Variants in TPSG1 observed in about 807,000 individuals in gnomAD.
TPSG1 encodes tryptase gamma.
TPSG1 carries 43 observed loss-of-function variants against 23.8 expected under a neutral mutation model. That is an observed-to-expected ratio of 1.81 (90% CI 1.42 to 2.33). TPSG1 has a LOEUF of 2.33. Ranked by LOEUF, TPSG1 falls within the 30% of genes most tolerant of loss-of-function variation. TPSG1 has a pLI of 0.00. For synonymous variants in TPSG1, 302 were observed against 201.3 expected (o/e 1.50, Z -4.23); for missense variants, 623 against 438.6 (o/e 1.42, Z -3.75).
chr16:1,223,782 G>A (rs1027993071), intron 2 of TPSG1, 188 bp from the exon 3 acceptor site: 39 of 643,762 alleles, frequency 6.1e-5, no homozygotes, highest in South Asian at 4.9e-4. Flanking sequence ...AGCAGTGAGC[G>A]CGCCTGGGGC....
Position 1,222,775 on chromosome 16 carries a change from C to T in TPSG1, c.388G>A (p.Glu130Lys). ...PGTSGDIALV[E>K]LSVPVTLSSR... ...GAGAGGGTCACGGGGACACTGAGCT[C>T]CACCAGGGCGATGTCCCCGCTGGTC... is the stretch of plus-strand genomic sequence containing the variant. Residue 130 changes from glutamate to lysine, a missense_variant, in exon 4 of 6, where the codon GAG becomes AAG. By Grantham distance (56) the Glu-to-Lys change is moderately conservative. Transcript: ENST00000234798. The T allele has an allele frequency of 1.2e-6, 2 of 1,612,388 alleles. No individual in the cohort carries two copies. The highest frequency in any genetic ancestry group is 1.7e-6 in the Non-Finnish European group (2 of 1,179,806).
intron 4 of TPSG1, 43 bp downstream of exon 4, chr16:1,222,609 C>T (rs1970549804): frequency 6.6e-7 from 1 of 1,518,260 alleles, no homozygotes; most frequent in Non-Finnish European, 8.8e-7. Context: ...TTCCTGCCGC[C>T]CTTGCCTTCC....
In TPSG1 at chr16:1,222,639, G is replaced by A. The variant is rs536580211; in HGVS notation, c.511+13C>T. ...CCTTCCTCCATCCCAGCATCCCCAC[G>A]GGGGCTCCTCACCTCCCTCCCGCGT... On this transcript the variant is annotated intron_variant, in intron 4 of 5. Transcript: ENST00000234798. The A allele has an allele frequency of 1.9e-5, 29 of 1,532,946 alleles. No individual in the cohort carries two copies. Among genetic ancestry groups the A allele is most frequent in the Non-Finnish European group, 2.4e-5 (27 of 1,135,888 alleles). The allele number at this position is 1,532,946 out of a possible 1,614,324, so 95.0% of individuals were successfully genotyped here.
At chr16:1,224,056 C>G (rs1343138178) in intron 2 of TPSG1, 1 of 201,312 alleles carries the variant, frequency 5.0e-6, no homozygotes, top group African/African-American at 2.4e-5. Flanking sequence ...GAATTGGACG[C>G]TTGATAATGT....
Position 1,222,692 on chromosome 16 carries a change from G to A in TPSG1, c.471C>T (p.Ile157=). The A allele has an allele frequency of 6.3e-7, 1 of 1,591,602 alleles. No individual in the cohort carries two copies. The highest frequency in any genetic ancestry group is 1.3e-5 in the African/African-American group (1 of 74,662). ...AGCCCCAGCCGGTCACCCAGCACCG[G>A]ATCCCAGGGCAGAAGTCATCTGAGG... ...PEASDDFCPG[I]RCWVTGWGYT... is the part of the protein sequence containing the mutation. The change falls in exon 4 of 6, where the codon ATC becomes ATT. Residue 157 remains isoleucine, a synonymous_variant. Transcript: ENST00000234798.
At position 1,222,352 on chromosome 16, in the gene TPSG1, G is replaced by C; in HGVS notation, c.512-11C>G. The C allele has an allele frequency of 1.3e-6, 2 of 1,578,976 alleles. No individual in the cohort carries two copies. The highest frequency in any genetic ancestry group is 1.7e-6 in the Non-Finnish European group (2 of 1,160,700). On this transcript the variant is annotated splice_polypyrimidine_tract_variant and intron_variant, in intron 4 of 5. Coordinates refer to ENST00000234798, the MANE Select transcript of TPSG1 (RefSeq NM_012467.4). Reference sequence around the variant, plus strand: ...GGGGTGGCAGAGGCTCTGGGGTGGGGGGAACAGGCTTCAGAGAAGGTTGGG... The same window carrying C: ...GGGGTGGCAGAGGCTCTGGGGTGGGCGGAACAGGCTTCAGAGAAGGTTGGG...
chr16:1,224,232 CAGAG>C, intron 2 of TPSG1: 1 of 249,440 alleles, frequency 4.0e-6, no homozygotes, highest in Non-Finnish European at 7.7e-6. Context: ...TGTAGACAGA[CAGAG>C]ATGTTTATAG....
rs1419449148 is a variant in TPSG1, at chr16:1,221,838, A to C, written c.916T>G (p.Cys306Gly). 6.2e-7 allele frequency: 1 copy of C among 1,611,760 alleles called. No individual in the cohort carries two copies. The highest frequency in any genetic ancestry group is 1.7e-5 in the Admixed American group (1 of 59,932). ...LLVSCVLLAK[C>G]LLHPSADGTP... ...CCATCCGCAGATGGGTGCAGCAGGC[A>C]CTTGGCCAGCAGGACACAGGAGACT... Residue 306 changes from cysteine to glycine, a missense_variant, in exon 6 of 6, where the codon TGC (cysteine) becomes GGC (glycine). Physicochemically the swap from Cys to Gly is radical, Grantham distance 159 (BLOSUM62 -3). Transcript: ENST00000234798.
chr16:1,224,716 C>CCCCACCCCA, intron 1 of TPSG1, 88 bp from the exon 2 acceptor site: 1 of 1,566,072 alleles, frequency 6.4e-7, no homozygotes, highest in Non-Finnish European at 8.8e-7. Context: ...GGCCTCAGGG[C>CCCCACCCCA]GGCACTGGGG....
rs1970533818 is a variant in TPSG1, at chr16:1,222,269, TC to T, written c.583del (p.Asp195ThrfsTer36). 1 of 1,611,668 alleles carries T rather than the reference TC, an allele frequency of 6.2e-7. No individual in the cohort carries two copies. Among genetic ancestry groups the T allele is most frequent in the Non-Finnish European group, 8.5e-7 (1 of 1,179,678 alleles). On this transcript the variant is annotated frameshift_variant, in exon 5 of 6. Transcript: ENST00000234798. LOFTEE classifies it high-confidence loss of function. ...GATGCTGCCCCCGGGGCCGGGATAG[TC>T]CCGGCGGCAGGTCTCTGTGTCCACC... is the stretch of plus-strand genomic sequence containing the variant. ...SVVDTETCRR[D>X]YPGPGGSILQ...
intron 2 of TPSG1, 70 bp downstream of exon 2, chr16:1,224,532 G>C: frequency 1.2e-6 from 2 of 1,600,214 alleles, no homozygotes; most frequent in Non-Finnish European, 1.7e-6. Context: ...GGAAGGAGAG[G>C]GTCACCGAGG....
chr16:1,223,574 A>T lies in TPSG1; in HGVS notation c.94T>A (p.Ser32Thr). 2.6e-6 allele frequency: 4 copies of T among 1,542,898 alleles called. No individual in the cohort carries two copies. The highest frequency in any genetic ancestry group is 3.5e-6 in the Non-Finnish European group (4 of 1,146,442). Residue 32 changes from serine to threonine, a missense_variant, in exon 3 of 6, where the codon TCG becomes ACG. Ser to Thr is a moderately conservative substitution (Grantham distance 58). Coordinates refer to ENST00000234798, the MANE Select transcript of TPSG1 (RefSeq NM_012467.4). ...CCCACGATCCGGCCGCCTGCATCCG[A>T]AACCTGCGGCCGGCCACACCCTAAG... is the stretch of plus-strand genomic sequence containing the variant. ...LQPGCGRPQVSDAGGRIVGGH... is the reference protein window; with the variant it reads ...LQPGCGRPQVTDAGGRIVGGH...
chr16:1,222,009 G>C lies in TPSG1; in HGVS notation c.745C>G (p.Pro249Ala). 1 of 1,612,466 alleles carries C rather than the reference G, an allele frequency of 6.2e-7. No individual in the cohort carries two copies. Among genetic ancestry groups the C allele is most frequent in the South Asian group, 1.1e-5 (1 of 91,064 alleles). ...CGAGTGTAGACTCCCGGCCTGTTGG[G>C]GCGGCCGCAGCCCTCACCCCAGCTC... ...TVSWGEGCGR[P>A]NRPGVYTRVP... Residue 249 changes from proline to alanine, a missense_variant, in exon 6 of 6, where the codon CCC becomes GCC. By Grantham distance (27) the Pro-to-Ala change is conservative. Transcript: ENST00000234798.
At chr16:1,222,372 G>T (rs1185236309) in intron 4 of TPSG1, 31 bp from the exon 5 acceptor site, 1 of 1,553,514 alleles carries the variant, frequency 6.4e-7, no homozygotes, top group Non-Finnish European at 8.7e-7. Flanking sequence ...TTCAGAGAAG[G>T]TTGGGGCACC....
intron 2 of TPSG1, 87 bp from the exon 3 acceptor site, chr16:1,223,681 C>G (rs547101341): frequency 1.4e-6 from 2 of 1,444,284 alleles, no homozygotes; most frequent in Non-Finnish European, 1.8e-6. Context: ...ACCACACCTC[C>G]CTGCCTTCTT....
At position 1,222,256 on chromosome 16, in the gene TPSG1, G is replaced by A. The variant is rs767531314; in HGVS notation, c.597C>T (p.Pro199=). ...TGTCGGGCTGAAGGATGCTGCCCCC[G>A]GGGCCGGGATAGTCCCGGCGGCAGG... ...TETCRRDYPG[P]GGSILQPDML... is the part of the protein sequence containing the mutation. The change falls in exon 5 of 6, where the codon CCC becomes CCT. Residue 199 remains proline (P), a synonymous_variant. Transcript: ENST00000234798. The A allele has an allele frequency of 2.8e-5, 45 of 1,611,920 alleles. No individual in the cohort carries two copies. Among genetic ancestry groups the A allele is most frequent in the African/African-American group, 8.0e-5 (6 of 74,854 alleles).
At position 1,222,731 on chromosome 16, in the gene TPSG1, G is replaced by A. The variant is rs1596486062; in HGVS notation, c.432C>T (p.Val144=). The change falls in exon 4 of 6, where the codon GTC becomes GTT. Residue 144 remains valine, a synonymous_variant. Coordinates refer to ENST00000234798, the MANE Select transcript of TPSG1 (RefSeq NM_012467.4). Reference sequence around the variant, plus strand: ...AGTCATCTGAGGCCTCCGGGAGGCAGACGGGCAGGATCCGGCTGGAGAGGG... The same window carrying A: ...AGTCATCTGAGGCCTCCGGGAGGCAAACGGGCAGGATCCGGCTGGAGAGGG... ...PVTLSSRILP[V]CLPEASDDFC... The A allele has an allele frequency of 6.2e-7, 1 of 1,610,752 alleles. No individual in the cohort carries two copies. The highest frequency in any genetic ancestry group is 1.3e-5 in the African/African-American group (1 of 74,892).
In TPSG1 at chr16:1,222,888, T is replaced by A. The variant is rs759923068; in HGVS notation, c.275A>T (p.His92Leu). ...CAGAGTGATCTCCAGTTCCCCCAGG[T>A]GCACCTGGTAGTCGGATGAGTTCAG... ...GSLNSSDYQVHLGELEITLSP... is the reference protein window; with the variant it reads ...GSLNSSDYQVLLGELEITLSP... Residue 92 changes from histidine (H) to leucine (L), a missense_variant, in exon 4 of 6, where the codon CAC becomes CTC. Transcript: ENST00000234798. The A allele has an allele frequency of 1.2e-6, 2 of 1,608,758 alleles. No individual in the cohort carries two copies. Among genetic ancestry groups the A allele is most frequent in the South Asian group, 2.2e-5 (2 of 90,266 alleles).
chr16:1,223,374 C>T (rs919644961), intron 3 of TPSG1, 49 bp downstream of exon 3: 1 of 1,525,032 alleles, frequency 6.6e-7, no homozygotes, highest in South Asian at 1.2e-5. Flanking sequence ...GGCGCATGCC[C>T]CACTGGGGCC....
Sources: allele counts gnomAD v4.1 joint callset, GRCh38; gene constraint gnomAD v4.1.1; transcripts MANE v1.5; gene names NCBI Gene and HGNC (gene_info 2026-07-23, HGNC 2026-07-21).